Variants in CRB1 observed in about 807,000 individuals in gnomAD.
CRB1 encodes the protein protein crumbs homolog 1.
CRB1 carries 83 observed loss-of-function variants against 120.0 expected under a neutral mutation model. That is an observed-to-expected ratio of 0.69 (90% CI 0.58 to 0.83). CRB1 has a LOEUF of 0.83. Ranked by LOEUF, CRB1 falls within the 40% of genes least tolerant of loss-of-function variation. The pLI, the probability that CRB1 is intolerant of heterozygous loss-of-function variation, is 0.00. For synonymous variants in CRB1, 625 were observed against 612.5 expected (o/e 1.02, Z -0.30); for missense variants, 1,699 against 1,687.6 (o/e 1.01, Z -0.12).
At chr1:197,274,974 G>T (rs1655120911) in intron 1 of CRB1, among the ~76,000 whole-genome samples, 1 of 151,914 alleles carries the variant, frequency 6.6e-6, no homozygotes, top group Non-Finnish European at 1.5e-5. Flanking sequence ...GAAATCAAAG[G>T]TAAGAAGCCC....
chr1:197,347,743 CA>C (rs2125333937), intron 4 of CRB1, among the ~76,000 whole-genome samples: 2 of 152,292 alleles, frequency 1.3e-5, no homozygotes, highest in South Asian at 4.1e-4. Context: ...TGAAATTCAG[CA>C]TGATCTTCAT....
the CRB1 span, among the ~76,000 whole-genome samples, chr1:197,247,317 T>A: frequency 6.6e-6 from 1 of 152,100 alleles, no homozygotes; most frequent in African/African-American, 2.4e-5. Flanking sequence ...TGTTTGTAAC[T>A]TCTTTTGCAT....
chr1:197,386,647 C>A (rs1662230575), intron 5 of CRB1, among the ~76,000 whole-genome samples: 1 of 152,148 alleles, frequency 6.6e-6, no homozygotes, highest in Non-Finnish European at 1.5e-5. Context: ...AAATAATAGT[C>A]TATATCGTCT....
At chr1:197,354,452 T>C (rs1660312054) in intron 4 of CRB1, among the ~76,000 whole-genome samples, 2 of 152,144 alleles carry the variant, frequency 1.3e-5, no homozygotes, top group South Asian at 4.1e-4. Context: ...GTCTGTTCTT[T>C]CTGATGTTCG....
intron 11 of CRB1, among the ~76,000 whole-genome samples, chr1:197,467,253 G>C (rs1666790138): frequency 6.6e-6 from 1 of 152,090 alleles, no homozygotes. Flanking sequence ...ACTAATGCGT[G>C]TAACTCTTTA....
At chr1:197,462,754 A>G (rs187989031) in intron 11 of CRB1, among the ~76,000 whole-genome samples, 28 of 152,320 alleles carry the variant, frequency 1.8e-4, no homozygotes, top group African/African-American at 6.5e-4. Flanking sequence ...CTAAGCATTG[A>G]TTCAAGAACC....
rs544491549 is a variant in CRB1, at chr1:197,445,626, T to C, written c.4005+3334T>C. Among the ~76,000 whole-genome samples, 8 of 152,364 alleles carry C rather than the reference T, an allele frequency of 5.3e-5. No homozygotes were observed. In the South Asian group the frequency reaches 1.7e-3, roughly 32 times the overall value. The stretch of plus-strand genomic sequence containing the variant: ...TTTAAAAATAGAAACTGTTAAGCTT[T>C]AATTTTGCAATATTAAAATTAAACT... On this transcript the variant is annotated intron_variant, in intron 11 of 11. Transcript: ENST00000367400.
chr1:197,360,057 G>T (rs1015915411), intron 5 of CRB1, among the ~76,000 whole-genome samples: 1 of 152,008 alleles, frequency 6.6e-6, no homozygotes, highest in South Asian at 2.1e-4. Flanking sequence ...ATAGTATTCT[G>T]TTTTTAATTC....
chr1:197,201,875 GAAAAAA>G, the CRB1 span, among the ~76,000 whole-genome samples: 46 of 151,616 alleles, frequency 3.0e-4, no homozygotes, highest in African/African-American at 1.1e-3. Context: ...ATTGTACACA[GAAAAAA>G]AATAGAAAAA....
At chr1:197,307,597 C>T (rs767897156) in intron 1 of CRB1, among the ~76,000 whole-genome samples, 13 of 152,166 alleles carry the variant, frequency 8.5e-5, no homozygotes, top group Non-Finnish European at 1.5e-4. Context: ...CATCCAATCA[C>T]TCTTGATGTT....
chr1:197,303,238 C>T (rs1028728682), intron 1 of CRB1, among the ~76,000 whole-genome samples: 4 of 148,506 alleles, frequency 2.7e-5, no homozygotes, highest in Non-Finnish European at 5.9e-5. Context: ...CCCATTAACT[C>T]GTCATTTAGC....
At chr1:197,330,801 C>A (rs199993902) in intron 2 of CRB1, among the ~76,000 whole-genome samples, 3 of 148,050 alleles carry the variant, frequency 2.0e-5, no homozygotes, top group African/African-American at 7.5e-5. Flanking sequence ...CACCCCCCCC[C>A]AAATGTTAGT....
At chr1:197,453,898 A>G (rs964435252) in intron 11 of CRB1, among the ~76,000 whole-genome samples, 6 of 117,234 alleles carry the variant, frequency 5.1e-5, no homozygotes, top group South Asian at 2.8e-4. Flanking sequence ...TAATATTATT[A>G]TATTATTAAT....
In CRB1 at chr1:197,457,094, A is replaced by G. The variant is rs991641900; in HGVS notation, c.4005+14802A>G. ...ACCCTCATTTCATTCTCCTTTGCCT[A>G]GTCAAATACATTTGTTCTCATAATG... On this transcript the variant is annotated intron_variant, in intron 11 of 11. Coordinates refer to ENST00000367400, the MANE Select transcript of CRB1 (RefSeq NM_201253.3). Among the ~76,000 whole-genome samples, 4 of 152,128 alleles carry G rather than the reference A, an allele frequency of 2.6e-5. No homozygotes were observed. In the East Asian group the frequency reaches 5.8e-4, roughly 22 times the overall value.
chr1:197,204,737 T>G, the CRB1 span, among the ~76,000 whole-genome samples: 1 of 152,232 alleles, frequency 6.6e-6, no homozygotes, highest in Middle Eastern at 3.2e-3. Context: ...CTGTATACTC[T>G]GCTGATTGTT....
At chr1:197,309,098 A>T (rs1657354704) in intron 1 of CRB1, among the ~76,000 whole-genome samples, 1 of 151,934 alleles carries the variant, frequency 6.6e-6, no homozygotes, top group South Asian at 2.1e-4. Context: ...ATACACACAC[A>T]CAATGACACA....
chr1:197,293,852 C>T (rs1269773327), intron 1 of CRB1, among the ~76,000 whole-genome samples: 1 of 152,158 alleles, frequency 6.6e-6, no homozygotes, highest in Non-Finnish European at 1.5e-5. Context: ...GAAAAACTGG[C>T]TAGCCATATG....
chr1:197,222,951 C>T, the CRB1 span: 1 of 888,012 alleles, frequency 1.1e-6, no homozygotes, highest in Admixed American at 1.7e-5. Context: ...CAAGAGTTTG[C>T]AGATAACATG....
intron 1 of CRB1, among the ~76,000 whole-genome samples, chr1:197,326,926 C>T (rs1159339543): frequency 1.3e-5 from 2 of 151,170 alleles, no homozygotes; most frequent in Non-Finnish European, 2.9e-5. Context: ...TGACTTGTAC[C>T]TTTTTAATTA....
Sources: allele counts gnomAD v4.1 joint callset (sites outside exome capture counted in the v4.1 genomes callset), GRCh38; gene constraint gnomAD v4.1.1; transcripts MANE v1.5; gene names NCBI Gene and HGNC (gene_info 2026-07-23, HGNC 2026-07-21).